The following ZNF407 variants were observed in gnomAD, a reference collection of about 807,000 sequenced individuals.
The protein encoded by ZNF407 is zinc finger protein 407.
Under a neutral mutation model 131.2 loss-of-function variants are expected in ZNF407, and 17 were observed. The ratio of observed to expected loss-of-function variants is 0.13; its 90% CI spans 0.09 to 0.19. ZNF407 has a LOEUF of 0.19. Among genes scored for constraint, ZNF407 ranks in the 10% least tolerant of loss-of-function variants. The pLI, the probability that ZNF407 is intolerant of heterozygous loss-of-function variation, is 1.00. For missense variants in ZNF407, 2,681 were observed against 2,830.6 expected, an observed-to-expected ratio of 0.95 and a Z score of 1.20; for synonymous variants, 1,156 against 1,062.0, an observed-to-expected ratio of 1.09 and a Z score of -1.72.
intron 7 of ZNF407, among the ~76,000 whole-genome samples, chr18:74,895,690 G>T (rs1162411540): frequency 6.6e-6 from 1 of 152,058 alleles, no homozygotes; most frequent in African/African-American, 2.4e-5. Context: ...TTTCTATACA[G>T]TTTTCTTGTA....
chr18:74,831,184 A>G (rs867629402), intron 4 of ZNF407, among the ~76,000 whole-genome samples: 4 of 152,086 alleles, frequency 2.6e-5, no homozygotes, highest in African/African-American at 9.7e-5. Context: ...GCTGTTGGAC[A>G]CCTAGGTTGA....
intron 3 of ZNF407, among the ~76,000 whole-genome samples, chr18:74,663,103 G>A (rs1487290318): frequency 2.6e-5 from 4 of 152,128 alleles, no homozygotes; most frequent in Admixed American, 6.5e-5. Flanking sequence ...AGCAACCATT[G>A]TAACCTCTAG....
intron 3 of ZNF407, among the ~76,000 whole-genome samples, chr18:74,644,573 T>G (rs1384219003): frequency 6.6e-6 from 1 of 151,926 alleles, no homozygotes; most frequent in Non-Finnish European, 1.5e-5. Flanking sequence ...TATGTACATA[T>G]AAGGTAGTAT....
At chr18:74,881,781 C>T (rs1389973098) in intron 6 of ZNF407, among the ~76,000 whole-genome samples, 4 of 152,160 alleles carry the variant, frequency 2.6e-5, no homozygotes, top group Non-Finnish European at 5.9e-5. Context: ...AAAATAGATT[C>T]CTTCATTAAG....
At chr18:74,713,835 A>G (rs781690079) in intron 3 of ZNF407, among the ~76,000 whole-genome samples, 10 of 152,326 alleles carry the variant, frequency 6.6e-5, no homozygotes, top group Non-Finnish European at 1.2e-4. Flanking sequence ...ATTATGTGCA[A>G]TAGCCCTTTC....
At chr18:74,656,199 C>T (rs990487775) in intron 3 of ZNF407, among the ~76,000 whole-genome samples, 1 of 151,986 alleles carries the variant, frequency 6.6e-6, no homozygotes, top group Admixed American at 6.6e-5. Flanking sequence ...TCAGATGCAT[C>T]TTTGTGAATC....
chr18:74,737,716 T>C (rs1968451472), intron 3 of ZNF407, among the ~76,000 whole-genome samples: 1 of 152,222 alleles, frequency 6.6e-6, no homozygotes, highest in Admixed American at 6.5e-5. Context: ...CATACACATC[T>C]TTAGTTGTAT....
rs1984324957 is a variant in ZNF407, at chr18:74,634,399, G to A, written c.3380G>A (p.Cys1127Tyr). 32 of 1,613,596 alleles carry A rather than the reference G, an allele frequency of 2.0e-5. No homozygotes were observed. The highest frequency in any genetic ancestry group is 2.7e-5 in the Non-Finnish European group (32 of 1,179,856). The change falls in exon 2 of 9, where the codon TGC becomes TAC. Residue 1127 changes from cysteine (C) to tyrosine (Y), a missense_variant. Cys to Tyr is a radical substitution (Grantham distance 194). Transcript: ENST00000299687. ...CTTAAATCTAGAAATGCTGCAGATT[G>A]CTCTATTTTAAATGAGAATACTAAT... is the stretch of plus-strand genomic sequence containing the variant. ...DTLKSRNAAD[C>Y]SILNENTNLD...
At chr18:74,806,595 G>C (rs1330780605) in intron 4 of ZNF407, among the ~76,000 whole-genome samples, 1 of 152,224 alleles carries the variant, frequency 6.6e-6, no homozygotes, top group Non-Finnish European at 1.5e-5. Context: ...TGAAAATACT[G>C]TAAGGGAAAT....
chr18:75,020,058 C>T (rs1172216130), intron 8 of ZNF407, among the ~76,000 whole-genome samples: 2 of 152,142 alleles, frequency 1.3e-5, no homozygotes, highest in African/African-American at 4.8e-5. Flanking sequence ...TGACTGGTAA[C>T]AGTGTCACAG....
Position 74,634,755 on chromosome 18 carries a change from C to A in ZNF407, c.3736C>A (p.His1246Asn). The A allele has an allele frequency of 6.2e-7, 1 of 1,613,882 alleles. No homozygotes were observed. The highest frequency in any genetic ancestry group is 2.2e-5 in the East Asian group (1 of 44,900). ...NAGDGGGVVP[H>N]RHLCPVTLDG... is the part of the protein sequence containing the mutation. Reference sequence around the variant, plus strand: ...AGGAGACGGTGGAGGTGTTGTCCCCCACAGACACCTGTGCCCTGTGACGCT... The same window carrying A: ...AGGAGACGGTGGAGGTGTTGTCCCCAACAGACACCTGTGCCCTGTGACGCT... The change falls in exon 2 of 9, where the codon CAC becomes AAC. Residue 1246 changes from histidine (H) to asparagine (N), a missense_variant. Physicochemically the swap from His to Asn is moderately conservative, Grantham distance 68. Transcript: ENST00000299687.
At chr18:74,680,458 G>C (rs1303475104) in intron 3 of ZNF407, among the ~76,000 whole-genome samples, 1 of 151,460 alleles carries the variant, frequency 6.6e-6, no homozygotes, top group Non-Finnish European at 1.5e-5. Context: ...AAAAATTGAA[G>C]GTGTTTTCTA....
intron 1 of ZNF407, among the ~76,000 whole-genome samples, chr18:74,627,461 G>A (rs978373170): frequency 6.6e-6 from 1 of 152,104 alleles, no homozygotes; most frequent in African/African-American, 2.4e-5. Flanking sequence ...GCAAACCAAT[G>A]CTTTATAGAA....
At chr18:74,868,366 A>T (rs1337236445) in intron 4 of ZNF407, among the ~76,000 whole-genome samples, 1 of 152,224 alleles carries the variant, frequency 6.6e-6, no homozygotes. Context: ...CTTTCTGATC[A>T]TGGGCACCTG....
chr18:74,664,849 C>A (rs373360646), intron 3 of ZNF407, among the ~76,000 whole-genome samples: 1 of 152,154 alleles, frequency 6.6e-6, no homozygotes, highest in Non-Finnish European at 1.5e-5. Context: ...TAGACAAGAT[C>A]ATGCCCTGTT....
chr18:74,622,960 ATC>A (rs972234296), intron 1 of ZNF407, among the ~76,000 whole-genome samples: 5 of 151,818 alleles, frequency 3.3e-5, no homozygotes, highest in African/African-American at 1.2e-4. Context: ...GTGTCAGTGT[ATC>A]TGAGTGCGTG....
intron 8 of ZNF407, among the ~76,000 whole-genome samples, chr18:74,942,459 A>G (rs1376767929): frequency 6.6e-6 from 1 of 152,160 alleles, no homozygotes; most frequent in African/African-American, 2.4e-5. Context: ...CAGGAAACCC[A>G]GTCTTGATGC....
chr18:74,975,959 C>T (rs763975065), intron 8 of ZNF407, among the ~76,000 whole-genome samples: 12 of 152,160 alleles, frequency 7.9e-5, no homozygotes, highest in Non-Finnish European at 1.6e-4. Flanking sequence ...TATTGTCTCT[C>T]GTTCAGCTAA....
At chr18:74,906,996 A>C (rs1255270754) in intron 7 of ZNF407, among the ~76,000 whole-genome samples, 1 of 152,230 alleles carries the variant, frequency 6.6e-6, no homozygotes, top group Non-Finnish European at 1.5e-5. Context: ...GTGTATATGT[A>C]TAAATCTTAT....
Sources: gnomAD v4.1 joint callset for allele counts (sites outside exome capture counted in the v4.1 genomes callset) on GRCh38, gnomAD v4.1.1 for gene constraint, MANE v1.5 for transcripts, NCBI Gene and HGNC (gene_info 2026-07-23, HGNC 2026-07-21) for gene names.